Variants in PPP1R26 observed in about 807,000 individuals in gnomAD.
The protein encoded by PPP1R26 is 1A6/DRIM (down-regulated in metastasis) interacting protein.
Under a neutral mutation model 67.6 loss-of-function variants are expected in PPP1R26, and 22 were observed. The observed-to-expected ratio is 0.33, with a 90% CI of 0.23 to 0.46. The LOEUF is 0.46. Ranked by LOEUF, PPP1R26 falls within the 20% of genes least tolerant of loss-of-function variation. The pLI is 1.00. For synonymous variants in PPP1R26, 729 were observed against 717.2 expected, an observed-to-expected ratio of 1.02 and a Z score of -0.26; for missense variants, 1,602 against 1,651.4, an observed-to-expected ratio of 0.97 and a Z score of 0.52.
At chr9:135,484,381 C>T (rs1251327002) in intron 3 of PPP1R26, 68 bp from the exon 4 acceptor site, 2 of 875,696 alleles carry the variant, frequency 2.3e-6, no homozygotes, top group East Asian at 2.6e-5. Flanking sequence ...CCTCTGGGGC[C>T]TCGCTTGGTG....
Position 135,487,890 on chromosome 9 carries a change from G to T in PPP1R26, c.3380G>T (p.Ser1127Ile). 5.7e-6 allele frequency: 9 copies of T among 1,577,712 alleles called. No individual in the cohort carries two copies. Among genetic ancestry groups the T allele is most frequent in the Non-Finnish European group, 7.7e-6 (9 of 1,163,500 alleles). The change falls in exon 4 of 4, where the codon AGC (serine) becomes ATC (isoleucine). Residue 1127 changes from serine (S) to isoleucine (I), a missense_variant. Coordinates refer to ENST00000356818, the MANE Select transcript of PPP1R26 (RefSeq NM_014811.5). ...SAFREAQAGP[S>I]PVFGSPHLLA... ...TTCAGGGAGGCCCAGGCCGGACCCA[G>T]CCCTGTCTTTGGAAGCCCACACTTG...
rs1830746278 is a variant in PPP1R26 at position 135,486,720 on chromosome 9, G to A, written c.2210G>A (p.Gly737Glu). 1.9e-6 allele frequency: 3 copies of A among 1,577,072 alleles called. No homozygotes were observed. The highest frequency in any genetic ancestry group is 2.6e-6 in the Non-Finnish European group (3 of 1,162,014). ...AQTHFLEQLG[G>E]LRRDWKDRGP... ...ACGCACTTCTTGGAGCAGCTGGGCGGGCTCCGGAGAGACTGGAAAGACAGG... is the reference window on the plus strand; with the variant it reads ...ACGCACTTCTTGGAGCAGCTGGGCGAGCTCCGGAGAGACTGGAAAGACAGG... The change falls in exon 4 of 4, where the codon GGG (glycine) becomes GAG (glutamate). Residue 737 changes from glycine (G) to glutamate (E), a missense_variant. By Grantham distance (98) the Gly-to-Glu change is moderately conservative (BLOSUM62 -2). Transcript: ENST00000356818. This position sits in a 1 kb window ranked among gnomAD's most constrained non-coding sequence, Gnocchi z 6.2.
rs778656091 is a variant in PPP1R26 at position 135,487,829 on chromosome 9, C to G, written c.3319C>G (p.Leu1107Val). The part of the protein sequence containing the change: ...GRQAGLFSPH[L>V]GLPLQGPSFS... ...GCAGGCTGGCCTCTTCAGCCCCCAC[C>G]TGGGGCTGCCTCTGCAGGGCCCCTC... Residue 1107 changes from leucine (L) to valine (V), a missense_variant, in exon 4 of 4, where the codon CTG becomes GTG. Around this residue, in one of 5 missense-constraint regions of PPP1R26, gnomAD observed 740 missense variants for 696.3 expected, o/e 1.06. Transcript: ENST00000356818. The G allele has an allele frequency of 5.6e-5, 89 of 1,593,494 alleles. 1 individual carries two copies. In the South Asian group the frequency reaches 9.9e-4, roughly 18 times the overall value.
In PPP1R26 at chr9:135,487,824, C is replaced by T; in HGVS notation, c.3314C>T (p.Pro1105Leu). The T allele has an allele frequency of 6.3e-7, 1 of 1,593,302 alleles. No homozygotes were observed. Among genetic ancestry groups the T allele is most frequent in the Non-Finnish European group, 8.5e-7 (1 of 1,172,100 alleles). ...GGCAGGCAGGCTGGCCTCTTCAGCC[C>T]CCACCTGGGGCTGCCTCTGCAGGGC... ...WGGRQAGLFSPHLGLPLQGPS... is the reference protein window; with the variant it reads ...WGGRQAGLFSLHLGLPLQGPS... Residue 1105 changes from proline to leucine, a missense_variant, in exon 4 of 4, where the codon CCC becomes CTC. By Grantham distance (98) the Pro-to-Leu change is moderately conservative (BLOSUM62 -3). Around this residue, in one of 5 missense-constraint regions of PPP1R26, gnomAD observed 740 missense variants for 696.3 expected, o/e 1.06. Transcript: ENST00000356818.
At chr9:135,479,491 G>A (rs1830434526), upstream of PPP1R26, among the ~76,000 whole-genome samples, 1 of 149,654 alleles carries the variant, frequency 6.7e-6, no homozygotes, top group Non-Finnish European at 1.5e-5. The surrounding 1 kb of genome is among the most constrained non-coding windows in gnomAD (Gnocchi z 5.9). Context: ...GCAGCACGGG[G>A]CTCGGCCCGG....
intron 1 of PPP1R26, among the ~76,000 whole-genome samples, chr9:135,481,094 C>T (rs1402912295): frequency 1.3e-5 from 2 of 152,196 alleles, no homozygotes; most frequent in Non-Finnish European, 2.9e-5. Flanking sequence ...TAAAATCTGA[C>T]ACCGTGTGGC....
In PPP1R26 at chr9:135,487,447, G is replaced by A. The variant is rs1242605845; in HGVS notation, c.2937G>A (p.Gln979=). 4 of 1,609,846 alleles carry A rather than the reference G, an allele frequency of 2.5e-6. No individual in the cohort carries two copies. The highest frequency in any genetic ancestry group is 2.2e-4 in the Middle Eastern group (1 of 4,520). The change falls in exon 4 of 4, where the codon CAG becomes CAA. Residue 979 remains glutamine, a synonymous_variant. Transcript: ENST00000356818. ...CTGCTGCCAAAAGTGCTTTTGGTCAGCTGCCCAGCTGTGCCACAGCGGGCA... is the reference window on the plus strand; with the variant it reads ...CTGCTGCCAAAAGTGCTTTTGGTCAACTGCCCAGCTGTGCCACAGCGGGCA... The part of the protein sequence containing the change: ...AEPAAKSAFG[Q]LPSCATAGTE...
Position 135,486,083 on chromosome 9 carries a change from A to G in PPP1R26, c.1573A>G (p.Ser525Gly), listed in dbSNP as rs749726937. 6 of 1,612,934 alleles carry G rather than the reference A, an allele frequency of 3.7e-6. No homozygotes were observed. In the African/African-American group the frequency reaches 4.0e-5, roughly 11 times the overall value. ...CGTGCCTTCCCGCTCTGACGGCGAC[A>G]GTAGCTCCGTGGACAGCGATGACAG... is the stretch of plus-strand genomic sequence containing the variant. ...PNVPSRSDGDSSSVDSDDSIE... is the reference protein window; with the variant it reads ...PNVPSRSDGDGSSVDSDDSIE... The change falls in exon 4 of 4, where the codon AGT becomes GGT. Residue 525 changes from serine (S) to glycine (G), a missense_variant. Ser to Gly is a moderately conservative substitution (Grantham distance 56). Around this residue, in one of 5 missense-constraint regions of PPP1R26, gnomAD observed 680 missense variants for 726.1 expected, o/e 0.94. Transcript: ENST00000356818. This position sits in a 1 kb window ranked among gnomAD's most constrained non-coding sequence, Gnocchi z 6.2.
In PPP1R26 at chr9:135,487,020, T is replaced by A. The variant is rs1830763353; in HGVS notation, c.2510T>A (p.Ile837Asn). 6.2e-7 allele frequency: 1 copy of A among 1,611,674 alleles called. No individual in the cohort carries two copies. The highest frequency in any genetic ancestry group is 8.5e-7 in the Non-Finnish European group (1 of 1,179,768). ...DSSSVDSNDSIELEIRKFLAE... is the reference protein window; with the variant it reads ...DSSSVDSNDSNELEIRKFLAE... ...AGTTCAGTGGACAGCAACGACAGCA[T>A]CGAACTGGAGATTAGGAAGTTTTTG... Residue 837 changes from isoleucine to asparagine, a missense_variant, in exon 4 of 4, where the codon ATC becomes AAC. By Grantham distance (149) the Ile-to-Asn change is moderately radical. Transcript: ENST00000356818.
Position 135,486,183 on chromosome 9 carries a change from G to T in PPP1R26, c.1673G>T (p.Cys558Phe), listed in dbSNP as rs1343194663. 6.2e-7 allele frequency: 1 copy of T among 1,612,906 alleles called. No individual in the cohort carries two copies. The highest frequency in any genetic ancestry group is 8.5e-7 in the Non-Finnish European group (1 of 1,180,034). The change falls in exon 4 of 4, where the codon TGC becomes TTC. Residue 558 changes from cysteine (C) to phenylalanine (F), a missense_variant. By Grantham distance (205) the Cys-to-Phe change is radical. This residue lies in a region of PPP1R26 where 680 missense variants were observed against 726.1 expected (regional missense o/e 0.94). Coordinates refer to ENST00000356818, the MANE Select transcript of PPP1R26 (RefSeq NM_014811.5). The surrounding 1 kb of genome is among the most constrained non-coding windows in gnomAD (Gnocchi z 6.2). ...SGSLLARGES[C>F]PQAAQGPLLP... is the part of the protein sequence containing the mutation. ...AGTTTGCTGGCCAGAGGTGAGAGCT[G>T]CCCGCAGGCTGCCCAGGGTCCACTT...
In PPP1R26 at chr9:135,488,642, C is replaced by A. The variant is rs1463063607; in HGVS notation, c.*502C>A. The A allele has an allele frequency of 6.0e-6, 1 of 167,122 alleles. No individual in the cohort carries two copies. The highest frequency in any genetic ancestry group is 2.4e-5 in the African/African-American group (1 of 41,444). 10.4% of individuals were successfully genotyped at this position (167,122 alleles called of 1,614,324 possible). A position where few individuals can be genotyped will look rare whatever the true frequency, so the allele number is the denominator to read the frequency against. ...GACAGCACTTTTTATACAGAGGACA[C>A]CGCCTCGGCCCCACGTCCTTAGAGG... is the stretch of plus-strand genomic sequence containing the variant. On this transcript the variant is annotated 3_prime_UTR_variant, in exon 4 of 4. Transcript: ENST00000356818.
At position 135,488,385 on chromosome 9, in the gene PPP1R26, C is replaced by A; in HGVS notation, c.*245C>A. On this transcript the variant is annotated 3_prime_UTR_variant, in exon 4 of 4. Transcript: ENST00000356818. ...GATATTTTTGGAAAATACTGTTGTT[C>A]AATTTTGTAGGGTGTTCCTAACTGC... 1 of 634,588 alleles carries A rather than the reference C, an allele frequency of 1.6e-6. No homozygotes were observed. Among genetic ancestry groups the A allele is most frequent in the African/African-American group, 1.9e-5 (1 of 52,622 alleles). 39.3% of individuals were successfully genotyped at this position (634,588 alleles called of 1,614,324 possible).
chr9:135,484,750 C>G lies in PPP1R26; in HGVS notation c.240C>G (p.Asp80Glu). 8.7e-6 allele frequency: 14 copies of G among 1,610,258 alleles called. No individual in the cohort carries two copies. Among genetic ancestry groups the G allele is most frequent in the Non-Finnish European group, 1.2e-5 (14 of 1,178,938 alleles). ...QRGHRAEGCH[D>E]ARPAAKPTVH... is the part of the protein sequence containing the mutation. ...GCCACAGGGCAGAGGGATGCCACGA[C>G]GCCAGGCCGGCTGCCAAGCCCACCG... is the stretch of plus-strand genomic sequence containing the variant. The change falls in exon 4 of 4, where the codon GAC (aspartate) becomes GAG (glutamate). Residue 80 changes from aspartate (D) to glutamate (E), a missense_variant. This residue lies in a region of PPP1R26 where 168 missense variants were observed against 176.1 expected (regional missense o/e 0.95). Transcript: ENST00000356818.
rs766213987 is a variant in PPP1R26 at position 135,484,714 on chromosome 9, C to T, written c.204C>T (p.Ala68=). ...CTCGGGGCACCAGCGATGAGCGCGC[C>T]GCACAGAGGGGCCACAGGGCAGAGG... is the stretch of plus-strand genomic sequence containing the variant. ...GAARGTSDER[A]AQRGHRAEGC... is the part of the protein sequence containing the mutation. The change falls in exon 4 of 4, where the codon GCC becomes GCT. Residue 68 remains alanine (A), a synonymous_variant. Coordinates refer to ENST00000356818, the MANE Select transcript of PPP1R26 (RefSeq NM_014811.5). The T allele has an allele frequency of 7.5e-6, 12 of 1,609,606 alleles. No individual in the cohort carries two copies. The highest frequency in any genetic ancestry group is 3.4e-4 in the Middle Eastern group (2 of 5,912).
Position 135,486,059 on chromosome 9 carries a change from G to A in PPP1R26, c.1549G>A (p.Val517Met), listed in dbSNP as rs376063346. ...SASPLFYSPN[V>M]PSRSDGDSSS... ...AAGCCCACTCTTCTACTCCCCGAAC[G>A]TGCCTTCCCGCTCTGACGGCGACAG... Residue 517 changes from valine (V) to methionine (M), a missense_variant, in exon 4 of 4, where the codon GTG becomes ATG. By Grantham distance (21) the Val-to-Met change is conservative. Transcript: ENST00000356818. The surrounding 1 kb of genome is among the most constrained non-coding windows in gnomAD (Gnocchi z 6.2). 2.3e-5 allele frequency: 37 copies of A among 1,613,018 alleles called. No individual in the cohort carries two copies. In the Middle Eastern group the frequency reaches 5.0e-4, roughly 22 times the overall value.
chr9:135,482,983 CTTTCTT>C (rs1489287303), intron 2 of PPP1R26, among the ~76,000 whole-genome samples, 168 bp downstream of exon 2: 86 of 125,744 alleles, frequency 6.8e-4, no homozygotes, highest in Admixed American at 1.6e-3. Context: ...CTTTTTCTTT[CTTTCTT>C]TTTTTTTTTT....
chr9:135,483,142 A>G (rs1310649569), intron 2 of PPP1R26, among the ~76,000 whole-genome samples: 2 of 151,764 alleles, frequency 1.3e-5, no homozygotes, highest in Non-Finnish European at 2.9e-5. Flanking sequence ...GGCATGCGCC[A>G]CCATGCCCGG....
Position 135,486,290 on chromosome 9 carries a change from A to G in PPP1R26, c.1780A>G (p.Arg594Gly), listed in dbSNP as rs772876491. ...ACCAGACCCACTGCTGGGCTGCAAAAGGAAGCGTAGAGGTGGTGGCCATGT... is the reference window on the plus strand; with the variant it reads ...ACCAGACCCACTGCTGGGCTGCAAAGGGAAGCGTAGAGGTGGTGGCCATGT... ...KTPDPLLGCK[R>G]KRRGGGHVRP... Residue 594 changes from arginine to glycine, a missense_variant, in exon 4 of 4, where the codon AGG becomes GGG. This residue lies in a region of PPP1R26 where 680 missense variants were observed against 726.1 expected (regional missense o/e 0.94). Transcript: ENST00000356818. This position sits in a 1 kb window ranked among gnomAD's most constrained non-coding sequence, Gnocchi z 6.2. 2 of 1,612,986 alleles carry G rather than the reference A, an allele frequency of 1.2e-6. No homozygotes were observed. The highest frequency in any genetic ancestry group is 8.5e-7 in the Non-Finnish European group (1 of 1,180,026).
chr9:135,485,945 G>C lies in PPP1R26; in HGVS notation c.1435G>C (p.Ala479Pro), dbSNP rs756168785. The C allele has an allele frequency of 1.9e-6, 3 of 1,613,462 alleles. No homozygotes were observed. The highest frequency in any genetic ancestry group is 2.5e-6 in the Non-Finnish European group (3 of 1,180,040). ...GTCCTCGTGCCGGGCGGACACATCT[G>C]CTGAGCTGATGTGTGCAGAAGCAAT... ...ERSSCRADTS[A>P]ELMCAEAILD... The change falls in exon 4 of 4, where the codon GCT (alanine) becomes CCT (proline). Residue 479 changes from alanine (A) to proline (P), a missense_variant. Physicochemically the swap from Ala to Pro is conservative, Grantham distance 27 (BLOSUM62 -1). Around this residue, in one of 5 missense-constraint regions of PPP1R26, gnomAD observed 680 missense variants for 726.1 expected, o/e 0.94. Transcript: ENST00000356818. This position sits in a 1 kb window ranked among gnomAD's most constrained non-coding sequence, Gnocchi z 7.2.
Sources: gnomAD v4.1 joint callset for allele counts (sites outside exome capture counted in the v4.1 genomes callset) on GRCh38, gnomAD v4.1.1 for gene constraint, gnomAD v4.1.1 regional missense constraint, Gnocchi (gnomAD v3.1) non-coding constraint, MANE v1.5 for transcripts, NCBI Gene and HGNC (gene_info 2026-07-23, HGNC 2026-07-21) for gene names.